BTNL8: variants seen among roughly 807,000 people sequenced by gnomAD.
The protein encoded by BTNL8 is butyrophilin like 8, also known as butyrophilin-like protein 8.
In BTNL8, 22 loss-of-function variants were observed where a neutral mutation model predicts 36.1. The ratio of observed to expected loss-of-function variants is 0.61; its 90% CI spans 0.44 to 0.87. The LOEUF (loss-of-function observed/expected upper bound fraction) is 0.87. Ranked by LOEUF, BTNL8 falls within the 40% of genes least tolerant of loss-of-function variation. The probability of loss-of-function intolerance (pLI) is 0.00; values close to 1 mark genes in which losing one functional copy is unlikely to be tolerated. For missense variants in BTNL8, 526 were observed against 616.9 expected (o/e 0.85, Z 1.56); for synonymous variants, 203 against 235.6 (o/e 0.86, Z 1.27).
At chr5:180,933,094 G>A (rs1299840408) in intron 3 of BTNL8, among the ~76,000 whole-genome samples, 1 of 150,752 alleles carries the variant, frequency 6.6e-6, no homozygotes, top group Non-Finnish European at 1.5e-5. Flanking sequence ...AGGTCATTAT[G>A]TAATAATAGA....
In BTNL8 at chr5:180,911,564, T is replaced by C. The variant is rs749175716; in HGVS notation, c.623T>C (p.Met208Thr). 1.5e-5 allele frequency: 24 copies of C among 1,613,904 alleles called. No individual in the cohort carries two copies. Among genetic ancestry groups the C allele is most frequent in the Non-Finnish European group, 1.9e-5 (22 of 1,179,952 alleles). ...QENAGSISCS[M>T]RHAHLSREVE... is the part of the protein sequence containing the mutation. ...AACGCCGGGAGCATATCCTGTTCCA[T>C]GCGGCATGCTCATCTGAGCCGAGAG... is the stretch of plus-strand genomic sequence containing the variant. The change falls in exon 3 of 8, where the codon ATG becomes ACG. Residue 208 changes from methionine to threonine, a missense_variant. Around this residue, in one of 2 missense-constraint regions of BTNL8, gnomAD observed 350 missense variants for 324.6 expected, o/e 1.08. Coordinates refer to ENST00000340184, the MANE Select transcript of BTNL8 (RefSeq NM_001040462.3).
chr5:180,938,804 AC>A, intron 3 of BTNL8, among the ~76,000 whole-genome samples: 1 of 152,262 alleles, frequency 6.6e-6, no homozygotes, highest in Middle Eastern at 3.4e-3. Flanking sequence ...AGAAAGGGAT[AC>A]TATGTTCAAA....
intron 4 of BTNL8, 167 bp downstream of exon 4, chr5:180,947,792 C>G (rs1164312862): frequency 6.2e-7 from 1 of 1,600,226 alleles, no homozygotes; most frequent in Non-Finnish European, 8.5e-7. Context: ...AACATCTCTT[C>G]CTCTGGAAAT....
intron 3 of BTNL8, among the ~76,000 whole-genome samples, chr5:180,930,669 GACAA>G (rs1370636385): frequency 6.6e-6 from 1 of 152,028 alleles, no homozygotes; most frequent in Non-Finnish European, 1.5e-5. Context: ...ACTAATAATA[GACAA>G]ACAGAAAGCC....
intron 1 of BTNL8, chr5:180,902,273 G>C: frequency 7.3e-7 from 1 of 1,377,890 alleles, no homozygotes; most frequent in Non-Finnish European, 1.0e-6. Context: ...CATTCAGAAA[G>C]AGACTTTTTC....
chr5:180,913,932 AT>A (rs1287891468), intron 3 of BTNL8, among the ~76,000 whole-genome samples: 1 of 152,244 alleles, frequency 6.6e-6, no homozygotes, highest in Non-Finnish European at 1.5e-5. Context: ...TGAACTAAAA[AT>A]TAACAAACCC....
intron 3 of BTNL8, 56 bp downstream of exon 3, chr5:180,911,670 G>T: frequency 6.7e-7 from 1 of 1,497,922 alleles, no homozygotes; most frequent in Non-Finnish European, 9.1e-7. Flanking sequence ...GTAACTCAGA[G>T]GGAGGACAGG....
chr5:180,922,839 G>A (rs568498184), intron 3 of BTNL8, among the ~76,000 whole-genome samples: 1 of 152,088 alleles, frequency 6.6e-6, no homozygotes, highest in East Asian at 1.9e-4. Context: ...CTCTTTGAAG[G>A]TCTCCAAGAA....
intron 3 of BTNL8, among the ~76,000 whole-genome samples, chr5:180,941,059 G>T (rs1758912204): frequency 6.7e-6 from 1 of 148,312 alleles, no homozygotes; most frequent in African/African-American, 2.5e-5. Flanking sequence ...ATGCAGCCTG[G>T]GAAACACAGC....
intron 1 of BTNL8, 75 bp downstream of exon 1, chr5:180,899,434 G>A: frequency 6.7e-7 from 1 of 1,484,178 alleles, no homozygotes; most frequent in Non-Finnish European, 9.4e-7. Context: ...CAGCATAATG[G>A]AATGAAGGCA....
At chr5:180,921,483 A>G (rs895075669) in intron 3 of BTNL8, among the ~76,000 whole-genome samples, 4 of 152,090 alleles carry the variant, frequency 2.6e-5, no homozygotes, top group Non-Finnish European at 2.9e-5. Context: ...TGTGATTGCC[A>G]GGGAATGAGG....
chr5:180,938,544 C>CT (rs527307483), intron 3 of BTNL8, among the ~76,000 whole-genome samples: 1,470 of 137,288 alleles, frequency 0.011, 13 homozygotes, highest in South Asian at 0.045. Flanking sequence ...TCCTTTCTTT[C>CT]TTTTTTTTTT....
In BTNL8 at chr5:180,935,658, T is replaced by C. The variant is rs1758615820; in HGVS notation, c.674-11854T>C. Reference sequence around the variant, plus strand: ...GGGTCTGGAGCTGCGGCTGGGTGACTGCAGTTGTGCCCCAGAGCACAGGAC... The same window carrying C: ...GGGTCTGGAGCTGCGGCTGGGTGACCGCAGTTGTGCCCCAGAGCACAGGAC... On this transcript the variant is annotated intron_variant, in intron 3 of 7. Coordinates refer to ENST00000340184, the MANE Select transcript of BTNL8 (RefSeq NM_001040462.3). This position sits in a 1 kb window ranked among gnomAD's most constrained non-coding sequence, Gnocchi z 4.8. 6.6e-6 allele frequency among the ~76,000 whole-genome samples: 1 copy of C among 152,150 alleles called. No homozygotes were observed. The highest frequency in any genetic ancestry group is 1.5e-5 in the Non-Finnish European group (1 of 68,014).
intron 5 of BTNL8, 100 bp downstream of exon 5, chr5:180,948,475 A>T: frequency 6.2e-7 from 1 of 1,607,502 alleles, no homozygotes; most frequent in African/African-American, 1.3e-5. Context: ...TGCAGGCTGG[A>T]CAGGAAGCAC....
chr5:180,923,725 G>A (rs543257795), intron 3 of BTNL8, among the ~76,000 whole-genome samples: 1 of 152,110 alleles, frequency 6.6e-6, no homozygotes, highest in African/African-American at 2.4e-5. Flanking sequence ...ATTTCCAACA[G>A]GTTATATGAT....
intron 3 of BTNL8, among the ~76,000 whole-genome samples, chr5:180,930,848 G>A (rs544060191): frequency 1.4e-4 from 22 of 152,224 alleles, no homozygotes; most frequent in African/African-American, 3.1e-4. Flanking sequence ...CATGCTCATC[G>A]ATAGAAAGAC....
intron 3 of BTNL8, among the ~76,000 whole-genome samples, chr5:180,939,497 A>G (rs779770307): frequency 5.3e-5 from 8 of 152,360 alleles, no homozygotes; most frequent in Non-Finnish European, 1.2e-4. Flanking sequence ...CAATTCAACA[A>G]GAGGATATAG....
rs1759458453 is a variant in BTNL8, at chr5:180,949,778, G to A, written c.863-126G>A. Reference sequence around the variant, plus strand: ...GACCTGAAAGGCAGTGTCTGCGGGAGGCTCAGGTCCGGGGCCTCACCTATG... The same window carrying A: ...GACCTGAAAGGCAGTGTCTGCGGGAAGCTCAGGTCCGGGGCCTCACCTATG... On this transcript the variant is annotated intron_variant, in intron 7 of 7. Transcript: ENST00000340184. The A allele has an allele frequency of 3.4e-6, 4 of 1,185,100 alleles. 1 individual carries two copies. The East Asian group carries it at 1.0e-4, about 30-fold the overall frequency. The allele number at this position is 1,185,100 out of a possible 1,614,324, so 73.4% of individuals were successfully genotyped here.
At chr5:180,948,517 C>T (rs1759386710) in intron 5 of BTNL8, 142 bp downstream of exon 5, 6 of 1,606,290 alleles carry the variant, frequency 3.7e-6, no homozygotes, top group Non-Finnish European at 5.1e-6. Context: ...TGCTCGCTCT[C>T]TCCATCCACT....
Sources: gnomAD v4.1 joint callset for allele counts (sites outside exome capture counted in the v4.1 genomes callset) on GRCh38, gnomAD v4.1.1 for gene constraint, gnomAD v4.1.1 regional missense constraint, Gnocchi (gnomAD v3.1) non-coding constraint, MANE v1.5 for transcripts, NCBI Gene and HGNC (gene_info 2026-07-23, HGNC 2026-07-21) for gene names.